The following VAC14 variants were observed in gnomAD, a reference collection of about 807,000 sequenced individuals.
The protein encoded by VAC14 is VAC14 component of PIKFYVE complex.
VAC14 carries 47 observed loss-of-function variants against 85.3 expected under a neutral mutation model. That is an observed-to-expected ratio of 0.55 (90% confidence interval 0.44 to 0.70). The LOEUF (loss-of-function observed/expected upper bound fraction) is 0.70, where lower values mean the gene tolerates loss of function less well. Among genes scored for constraint, VAC14 ranks in the 30% least tolerant of loss-of-function variants. The probability of loss-of-function intolerance (pLI) is 0.00; values close to 1 mark genes in which losing one functional copy is unlikely to be tolerated. For missense variants in VAC14, 861 were observed against 1,004.3 expected (o/e 0.86, Z 1.93); for synonymous variants, 447 against 430.5 (o/e 1.04, Z -0.47).
rs570973817 is a variant in VAC14, at chr16:70,762,725, G to A, written c.1306-120C>T. The A allele has an allele frequency of 7.1e-5, 105 of 1,486,864 alleles. 1 individual carries two copies. In the South Asian group the frequency reaches 8.6e-4, roughly 12 times the overall value. 92.1% of individuals were successfully genotyped at this position (1,486,864 alleles called of 1,614,324 possible). The stretch of plus-strand genomic sequence containing the variant: ...GTCTGCACGGACCACTTCCCTCCCC[G>A]ACACAATGAGGGCTCCTCGCAGCAC... On this transcript the variant is annotated intron_variant, in intron 11 of 18. Transcript: ENST00000261776. The surrounding 1 kb of genome is among the most constrained non-coding windows in gnomAD (Gnocchi z 4.1).
At chr16:70,688,605 G>A in intron 18 of VAC14, 3 of 985,610 alleles carry the variant, frequency 3.0e-6, no homozygotes, top group Non-Finnish European at 3.6e-6. Flanking sequence ...CCCAAGGCCT[G>A]CAGTCACTCA....
chr16:70,691,100 C>T, intron 18 of VAC14: 1 of 985,524 alleles, frequency 1.0e-6, no homozygotes, highest in Non-Finnish European at 1.2e-6. Context: ...CAAGACTTCC[C>T]TGACTGACCG....
At chr16:70,726,341 C>T (rs958884179) in intron 14 of VAC14, among the ~76,000 whole-genome samples, 6 of 152,220 alleles carry the variant, frequency 3.9e-5, no homozygotes, top group African/African-American at 1.2e-4. Flanking sequence ...GCAACAGGGC[C>T]GGTGCACTGG....
rs2053733814 is a variant in VAC14, at chr16:70,697,340, C to T, written c.1837-83G>A. 1.3e-5 allele frequency: 15 copies of T among 1,181,722 alleles called. No homozygotes were observed. The South Asian group carries it at 1.8e-4, about 14-fold the overall frequency. The allele number at this position is 1,181,722 out of a possible 1,614,324, so 73.2% of individuals were successfully genotyped here. A position where few individuals can be genotyped will look rare whatever the true frequency, so the allele number is the denominator to read the frequency against. ...CCACGTGGGGACCTGAGGGAAGGGCCACAGGTCTAAGTCCCAGGGGCCTTC... is the reference window on the plus strand; with the variant it reads ...CCACGTGGGGACCTGAGGGAAGGGCTACAGGTCTAAGTCCCAGGGGCCTTC... On this transcript the variant is annotated intron_variant, in intron 15 of 18. Coordinates refer to ENST00000261776, the MANE Select transcript of VAC14 (RefSeq NM_018052.5).
chr16:70,794,133 T>A (rs1402061929), intron 1 of VAC14, among the ~76,000 whole-genome samples: 1 of 152,168 alleles, frequency 6.6e-6, no homozygotes, highest in Non-Finnish European at 1.5e-5. Context: ...ATTTAAATAT[T>A]GGGACACAAT....
Position 70,763,028 on chromosome 16 carries a change from G to A in VAC14, c.1161-3C>T, listed in dbSNP as rs780822872. The A allele has an allele frequency of 1.7e-5, 27 of 1,614,098 alleles. No individual in the cohort carries two copies. Among genetic ancestry groups the A allele is most frequent in the Admixed American group, 5.0e-5 (3 of 60,006 alleles). On this transcript the variant is annotated splice_polypyrimidine_tract_variant and splice_region_variant and intron_variant, in intron 10 of 18. Coordinates refer to ENST00000261776, the MANE Select transcript of VAC14 (RefSeq NM_018052.5). ...GGGTCACTGGGGCTCTTTCAGTGCT[G>A]TGGGTAAGATCGGGAGGGAGAGCAG...
chr16:70,762,793 G>T lies in VAC14; in HGVS notation c.1305+88C>A. ...GCCAGGGTTTCCCTAGAAGGGCAAT[G>T]ACCAAAATGCTACCAACTATGGGCA... On this transcript the variant is annotated intron_variant, in intron 11 of 18. Coordinates refer to ENST00000261776, the MANE Select transcript of VAC14 (RefSeq NM_018052.5). The surrounding 1 kb of genome is among the most constrained non-coding windows in gnomAD (Gnocchi z 4.1). 6.3e-7 allele frequency: 1 copy of T among 1,593,188 alleles called. No homozygotes were observed. The highest frequency in any genetic ancestry group is 1.1e-5 in the South Asian group (1 of 88,422).
At chr16:70,761,499 C>G (rs7188712) in intron 12 of VAC14, among the ~76,000 whole-genome samples, 2 of 152,142 alleles carry the variant, frequency 1.3e-5, no homozygotes, top group Non-Finnish European at 1.5e-5. Flanking sequence ...GCAATGGGCA[C>G]GCGCAGCTGC....
At chr16:70,747,889 A>T (rs2031047394) in intron 12 of VAC14, 1 of 152,046 alleles carries the variant, frequency 6.6e-6, no homozygotes, top group South Asian at 2.1e-4. Context: ...TCCGGCAGGT[A>T]CCTACTTCCC....
intron 9 of VAC14, among the ~76,000 whole-genome samples, chr16:70,777,500 G>A (rs915631866): frequency 2.6e-5 from 4 of 152,190 alleles, no homozygotes; most frequent in African/African-American, 9.7e-5. Context: ...TGCCATTCCT[G>A]AGACAATCAG....
chr16:70,730,665 TC>T (rs1327381372), intron 14 of VAC14, among the ~76,000 whole-genome samples: 1 of 147,676 alleles, frequency 6.8e-6, no homozygotes, highest in Non-Finnish European at 1.5e-5. Context: ...TGGTGTGATC[TC>T]GGCTCACTGC....
chr16:70,746,463 C>T (rs2030898389), intron 12 of VAC14, among the ~76,000 whole-genome samples: 1 of 152,224 alleles, frequency 6.6e-6, no homozygotes, highest in Admixed American at 6.5e-5. Context: ...CACAGCCACC[C>T]CTGCCCGTGG....
chr16:70,729,209 C>T (rs2054516303), intron 14 of VAC14, among the ~76,000 whole-genome samples: 1 of 152,208 alleles, frequency 6.6e-6, no homozygotes, highest in Admixed American at 6.5e-5. Context: ...GGGCGCAGGA[C>T]AGCTGCCATC....
intron 12 of VAC14, among the ~76,000 whole-genome samples, chr16:70,755,661 C>T (rs1033281885): frequency 6.6e-6 from 1 of 152,238 alleles, no homozygotes; most frequent in African/African-American, 2.4e-5. Flanking sequence ...GGGCCCTCTC[C>T]TCCTCCTAGT....
chr16:70,695,741 G>T (rs567552908), intron 16 of VAC14, 118 bp from the exon 17 acceptor site: 14 of 920,892 alleles, frequency 1.5e-5, no homozygotes, highest in Non-Finnish European at 1.8e-5. Flanking sequence ...TTGTGGTGAA[G>T]CAGGATTTGG....
chr16:70,724,934 C>T (rs751727286), intron 14 of VAC14, among the ~76,000 whole-genome samples: 4 of 152,244 alleles, frequency 2.6e-5, no homozygotes, highest in African/African-American at 4.8e-5. Context: ...GTAGGTGGAT[C>T]GGGGCCTCTT....
intron 12 of VAC14, among the ~76,000 whole-genome samples, chr16:70,757,027 G>T (rs1230606932): frequency 2.6e-5 from 4 of 152,172 alleles, no homozygotes; most frequent in Non-Finnish European, 5.9e-5. Context: ...AGTCACAAAA[G>T]CCACAAACTC....
Position 70,752,001 on chromosome 16 carries a change from G to A in VAC14, c.1372-7422C>T, listed in dbSNP as rs112780604. On this transcript the variant is annotated intron_variant, in intron 12 of 18. Transcript: ENST00000261776. ...GTGGTGGGAAAGGAGCACTACTTAGGCCTAGACCCATTTTATTTCCCATTG... is the reference window on the plus strand; with the variant it reads ...GTGGTGGGAAAGGAGCACTACTTAGACCTAGACCCATTTTATTTCCCATTG... Among the ~76,000 whole-genome samples, 119 of 152,314 alleles carry A rather than the reference G, an allele frequency of 7.8e-4. 1 individual carries two copies. The highest frequency in any genetic ancestry group is 2.8e-3 in the African/African-American group (115 of 41,570).
intron 1 of VAC14, among the ~76,000 whole-genome samples, chr16:70,799,579 G>T (rs1388265074): frequency 6.6e-6 from 1 of 152,204 alleles, no homozygotes; most frequent in African/African-American, 2.4e-5. Flanking sequence ...AGACATTTTT[G>T]ATTGTTACAA....
Sources: allele counts gnomAD v4.1 joint callset (sites outside exome capture counted in the v4.1 genomes callset), GRCh38; gene constraint gnomAD v4.1.1; non-coding constraint Gnocchi (gnomAD v3.1); transcripts MANE v1.5; gene names NCBI Gene and HGNC (gene_info 2026-07-23, HGNC 2026-07-21).